Variants in ZPBP observed in about 807,000 individuals in gnomAD.
The protein encoded by ZPBP is zona pellucida binding protein.
In ZPBP, 26 loss-of-function variants were observed where a neutral mutation model predicts 44.8. The observed-to-expected ratio is 0.58, with a 90% CI of 0.43 to 0.81. The LOEUF is 0.81. Ranked by LOEUF, ZPBP falls within the 30% of genes least tolerant of loss-of-function variation. The probability of loss-of-function intolerance (pLI) is 0.00; values close to 1 mark genes in which losing one functional copy is unlikely to be tolerated. For synonymous variants in ZPBP, 174 were observed against 153.2 expected (o/e 1.14, Z -1.00); for missense variants, 409 against 434.0 (o/e 0.94, Z 0.51).
intron 3 of ZPBP, among the ~76,000 whole-genome samples, chr7:50,076,365 A>C (rs1190905430): frequency 6.6e-6 from 1 of 151,928 alleles, no homozygotes. Context: ...GAACACAACA[A>C]GGATACCCAC....
chr7:49,862,422 T>C (rs914785530), intron 2 of ZPBP, among the ~76,000 whole-genome samples: 3 of 152,172 alleles, frequency 2.0e-5, no homozygotes, highest in South Asian at 4.1e-4. Flanking sequence ...TGAATAGAGA[T>C]AGTTTTATTT....
intron 7 of ZPBP, among the ~76,000 whole-genome samples, chr7:49,975,291 A>G (rs1796459318): frequency 6.6e-6 from 1 of 152,150 alleles, no homozygotes; most frequent in Non-Finnish European, 1.5e-5. Context: ...AGGATCTAGG[A>G]AAAGGAATGG....
At chr7:49,963,860 A>G (rs1232958075) in intron 7 of ZPBP, among the ~76,000 whole-genome samples, 4 of 151,778 alleles carry the variant, frequency 2.6e-5, no homozygotes, top group Non-Finnish European at 5.9e-5. Context: ...AGGAAGGAAT[A>G]CTGCCCAACT....
chr7:49,865,433 C>A (rs141353714), intron 2 of ZPBP, among the ~76,000 whole-genome samples: 1 of 152,172 alleles, frequency 6.6e-6, no homozygotes, highest in African/African-American at 2.4e-5. Flanking sequence ...AACCGCAAAA[C>A]GTAGTGGCTT....
At chr7:50,067,806 C>A (rs2128838866) in intron 3 of ZPBP, among the ~76,000 whole-genome samples, 1 of 152,302 alleles carries the variant, frequency 6.6e-6, no homozygotes, top group East Asian at 1.9e-4. Flanking sequence ...AGGAAGCCAT[C>A]CAAGTGCCAC....
intron 2 of ZPBP, among the ~76,000 whole-genome samples, chr7:49,896,967 C>A (rs1333462739): frequency 6.7e-6 from 1 of 148,814 alleles, no homozygotes; most frequent in Non-Finnish European, 1.5e-5. Flanking sequence ...GCAATCTCGG[C>A]TCACTGCAAG....
At chr7:49,896,655 G>A (rs2128732758) in intron 2 of ZPBP, among the ~76,000 whole-genome samples, 1 of 151,800 alleles carries the variant, frequency 6.6e-6, no homozygotes, top group East Asian at 1.9e-4. Context: ...GACAAAGGAA[G>A]AAAAGAAAGA....
chr7:49,847,402 G>A (rs1185832063), downstream of ZPBP, among the ~76,000 whole-genome samples: 1 of 151,866 alleles, frequency 6.6e-6, no homozygotes, highest in Non-Finnish European at 1.5e-5. Flanking sequence ...AATAGTGAAT[G>A]TGTGTGTGTG....
intron 1 of ZPBP, among the ~76,000 whole-genome samples, chr7:49,908,562 G>A (rs1426555392): frequency 6.6e-6 from 1 of 152,032 alleles, no homozygotes; most frequent in Non-Finnish European, 1.5e-5. Flanking sequence ...AAAAATGTAT[G>A]TGTATGTGTG....
At chr7:49,998,761 G>A (rs1409062699) in intron 6 of ZPBP, among the ~76,000 whole-genome samples, 1 of 152,044 alleles carries the variant, frequency 6.6e-6, no homozygotes, top group Non-Finnish European at 1.5e-5. Context: ...GCCAATTCCA[G>A]AAACTCCAGA....
intron 1 of ZPBP, 89 bp from the exon 2 acceptor site, chr7:50,089,798 G>T: frequency 2.0e-6 from 2 of 1,014,442 alleles, no homozygotes; most frequent in Non-Finnish European, 3.0e-6. Flanking sequence ...ATTGGTTGAA[G>T]GGGAGAGCCA....
intron 7 of ZPBP, among the ~76,000 whole-genome samples, chr7:49,969,046 A>T (rs1796176715): frequency 2.0e-5 from 3 of 151,554 alleles, no homozygotes; most frequent in Admixed American, 2.0e-4. Context: ...CTGGGCCAGG[A>T]TGGGCTGTAA....
At chr7:49,985,381 T>C (rs138778253) in intron 6 of ZPBP, among the ~76,000 whole-genome samples, 109 of 152,310 alleles carry the variant, frequency 7.2e-4, no homozygotes, top group African/African-American at 2.0e-3. Flanking sequence ...TTTTGTGATA[T>C]GTCATTTTGC....
At chr7:49,902,556 A>G (rs1792824428) in intron 1 of ZPBP, among the ~76,000 whole-genome samples, 2 of 139,572 alleles carry the variant, frequency 1.4e-5, no homozygotes, top group Non-Finnish European at 3.0e-5. Context: ...TCCGTAGCCA[A>G]AAAAAAAAAA....
At chr7:49,912,050 A>G in intron 1 of ZPBP, 2 of 1,613,884 alleles carry the variant, frequency 1.2e-6, no homozygotes, top group Non-Finnish European at 1.7e-6. Context: ...ACTGCTTTGC[A>G]GAAACCGCGG....
chr7:50,017,530 C>T (rs1469370394), intron 6 of ZPBP, among the ~76,000 whole-genome samples: 2 of 152,038 alleles, frequency 1.3e-5, no homozygotes, highest in Non-Finnish European at 2.9e-5. Context: ...TTTCAGGAGG[C>T]TTACTGAGTA....
At position 49,949,682 on chromosome 7, in the gene ZPBP, GA is replaced by G. The variant is rs749960037; in HGVS notation, c.962-12061del. On this transcript the variant is annotated intron_variant, in intron 7 of 7. Transcript: ENST00000046087. ...GGTATACAATTTCAGTCTAGAAGTT[GA>G]AAAAAATTCTAGAGATGGATGGTGA... is the stretch of plus-strand genomic sequence containing the variant. Among the ~76,000 whole-genome samples, 144 of 151,886 alleles carry G rather than the reference GA, an allele frequency of 9.5e-4. 2 individuals carry two copies. Among genetic ancestry groups the G allele is most frequent in the South Asian group, 3.1e-3 (15 of 4,814 alleles).
intron 5 of ZPBP, among the ~76,000 whole-genome samples, chr7:50,029,700 C>G (rs1381692862): frequency 2.6e-5 from 4 of 152,234 alleles, no homozygotes; most frequent in African/African-American, 9.6e-5. Flanking sequence ...CACAGATAAC[C>G]AATGAGCACA....
intron 6 of ZPBP, among the ~76,000 whole-genome samples, chr7:49,984,113 C>T (rs967911709): frequency 3.9e-5 from 6 of 152,222 alleles, no homozygotes; most frequent in South Asian, 4.1e-4. Context: ...GTATGAGGTA[C>T]GCATAAATTC....
Sources: allele counts gnomAD v4.1 joint callset (sites outside exome capture counted in the v4.1 genomes callset), GRCh38; gene constraint gnomAD v4.1.1; transcripts MANE v1.5; gene names NCBI Gene and HGNC (gene_info 2026-07-23, HGNC 2026-07-21).